Variants in SLC4A10 observed in about 807,000 individuals in gnomAD.
SLC4A10 encodes the protein solute carrier family 4 member 10.
A neutral mutation model predicts 137.7 loss-of-function variants in SLC4A10; 42 were observed. That is an observed-to-expected ratio of 0.30 (90% CI 0.24 to 0.39). The LOEUF (loss-of-function observed/expected upper bound fraction) is 0.39. Among genes scored for constraint, SLC4A10 ranks in the 10% least tolerant of loss-of-function variants. The pLI, the probability that SLC4A10 is intolerant of heterozygous loss-of-function variation, is 1.00. For missense variants in SLC4A10, 925 were observed against 1,355.0 expected, an observed-to-expected ratio of 0.68 and a Z score of 4.98; for synonymous variants, 474 against 464.1, an observed-to-expected ratio of 1.02 and a Z score of -0.27.
chr2:161,819,075 G>A (rs982453682), intron 3 of SLC4A10, among the ~76,000 whole-genome samples: 3 of 152,144 alleles, frequency 2.0e-5, no homozygotes, highest in Admixed American at 6.6e-5. Flanking sequence ...CAACGTATAA[G>A]CAACATCAGC....
chr2:161,742,376 T>C (rs933652873), intron 1 of SLC4A10, among the ~76,000 whole-genome samples: 2 of 152,054 alleles, frequency 1.3e-5, no homozygotes, highest in African/African-American at 4.8e-5. Flanking sequence ...ATTCTATTTT[T>C]AGTTTTCTGG....
chr2:161,859,852 G>A (rs539652966), intron 5 of SLC4A10, among the ~76,000 whole-genome samples: 13 of 151,898 alleles, frequency 8.6e-5, no homozygotes, highest in Non-Finnish European at 1.8e-4. Flanking sequence ...CGCCCGCCTC[G>A]GCCTCCCAAA....
In SLC4A10 at chr2:161,974,250, A is replaced by G. The variant is rs1419729826; in HGVS notation, c.3161A>G (p.Glu1054Gly). The change falls in exon 24 of 27, where the codon GAA becomes GGA. Residue 1054 changes from glutamate (E) to glycine (G), a missense_variant and splice_region_variant. Coordinates refer to ENST00000446997, the MANE Select transcript of SLC4A10 (RefSeq NM_001178015.2). Reference sequence around the variant, plus strand: ...TATACTTTACATTTGTCTTTTCAGGAAGAACAAAGTATGCTAGCTATGGAA... The same window carrying G: ...TATACTTTACATTTGTCTTTTCAGGGAGAACAAAGTATGCTAGCTATGGAA... ...KKKLEDAEKE[E>G]EQSMLAMEDE... 6.2e-7 allele frequency: 1 copy of G among 1,603,724 alleles called. No homozygotes were observed.
At chr2:161,772,756 G>A (rs1422103011) in intron 2 of SLC4A10, among the ~76,000 whole-genome samples, 1 of 151,790 alleles carries the variant, frequency 6.6e-6, no homozygotes, top group African/African-American at 2.4e-5. Context: ...AAAAAAATCT[G>A]GTTTATATTG....
At chr2:161,980,883 G>A (rs539231460) in intron 26 of SLC4A10, among the ~76,000 whole-genome samples, 2 of 152,288 alleles carry the variant, frequency 1.3e-5, no homozygotes, top group East Asian at 3.9e-4. Flanking sequence ...ACAGATAACA[G>A]ATGCATAATA....
At chr2:161,749,585 C>T (rs537453138) in intron 1 of SLC4A10, among the ~76,000 whole-genome samples, 1 of 152,020 alleles carries the variant, frequency 6.6e-6, no homozygotes, top group South Asian at 2.1e-4. Flanking sequence ...TTAAACCACC[C>T]TTGCATCCCC....
At chr2:161,982,310 C>T (rs1700327381) in intron 26 of SLC4A10, among the ~76,000 whole-genome samples, 1 of 151,904 alleles carries the variant, frequency 6.6e-6, no homozygotes, top group Non-Finnish European at 1.5e-5. Context: ...GCATTTCTGC[C>T]CTCTCTGGAA....
chr2:161,848,293 G>T (rs2059620762), intron 4 of SLC4A10, among the ~76,000 whole-genome samples: 1 of 152,102 alleles, frequency 6.6e-6, no homozygotes, highest in African/African-American at 2.4e-5. Context: ...ACCTTAGTCA[G>T]ATGCATAGTT....
chr2:161,664,578 A>T (rs2038827485), intron 1 of SLC4A10, among the ~76,000 whole-genome samples: 1 of 151,924 alleles, frequency 6.6e-6, no homozygotes, highest in Non-Finnish European at 1.5e-5. Context: ...TATTTAGTTC[A>T]TATTTGAAAA....
intron 5 of SLC4A10, 113 bp downstream of exon 5, chr2:161,855,243 C>T: frequency 1.0e-6 from 1 of 969,794 alleles, no homozygotes; most frequent in Non-Finnish European, 1.5e-6. Context: ...CTCATAATCA[C>T]TGCATAAGGT....
chr2:161,788,432 A>G (rs1389995899), intron 2 of SLC4A10, among the ~76,000 whole-genome samples: 1 of 152,020 alleles, frequency 6.6e-6, no homozygotes, highest in African/African-American at 2.4e-5. Flanking sequence ...CTAATGATGA[A>G]GGAAGACAAC....
chr2:161,804,435 G>C lies in SLC4A10; in HGVS notation c.131-14G>C. 1 of 1,605,960 alleles carries C rather than the reference G, an allele frequency of 6.2e-7. No individual in the cohort carries two copies. Among genetic ancestry groups the C allele is most frequent in the Non-Finnish European group, 8.5e-7 (1 of 1,175,992 alleles). On this transcript the variant is annotated splice_polypyrimidine_tract_variant and intron_variant, in intron 2 of 26. Transcript: ENST00000446997. Reference sequence around the variant, plus strand: ...AATTCAGAGTTTAATTTGTGGGTTTGCTTCCTTATGAAGGTCATCGAACAC... The same window carrying C: ...AATTCAGAGTTTAATTTGTGGGTTTCCTTCCTTATGAAGGTCATCGAACAC...
chr2:161,901,025 A>T lies in SLC4A10; in HGVS notation c.1442+14A>T. 6.5e-7 allele frequency: 1 copy of T among 1,535,850 alleles called. No homozygotes were observed. Among genetic ancestry groups the T allele is most frequent in the Non-Finnish European group, 8.8e-7 (1 of 1,131,188 alleles). Reference sequence around the variant, plus strand: ...GCGAACTGGAAGGTTAGTGAAAATCACTTCTATGGGACTTCAAGGACCAAA... The same window carrying T: ...GCGAACTGGAAGGTTAGTGAAAATCTCTTCTATGGGACTTCAAGGACCAAA... On this transcript the variant is annotated intron_variant, in intron 12 of 26. Coordinates refer to ENST00000446997, the MANE Select transcript of SLC4A10 (RefSeq NM_001178015.2).
At chr2:161,646,231 A>G (rs1184146041) in intron 1 of SLC4A10, among the ~76,000 whole-genome samples, 1 of 152,064 alleles carries the variant, frequency 6.6e-6, no homozygotes, top group East Asian at 1.9e-4. Flanking sequence ...GCATAAAAGC[A>G]AAGTAGTTTT....
chr2:161,664,918 G>C (rs919316852), intron 1 of SLC4A10, among the ~76,000 whole-genome samples: 4 of 151,742 alleles, frequency 2.6e-5, no homozygotes, highest in African/African-American at 9.7e-5. Flanking sequence ...CTAAGAAGCA[G>C]AGGCAACATC....
At chr2:161,851,116 G>A (rs2059806865) in intron 4 of SLC4A10, among the ~76,000 whole-genome samples, 1 of 152,260 alleles carries the variant, frequency 6.6e-6, no homozygotes, top group African/African-American at 2.4e-5. Context: ...GTTGAGAATT[G>A]CTTTATGGCT....
At chr2:161,934,521 G>A (rs915610794) in intron 15 of SLC4A10, among the ~76,000 whole-genome samples, 1 of 152,090 alleles carries the variant, frequency 6.6e-6, no homozygotes, top group Non-Finnish European at 1.5e-5. Flanking sequence ...TGGCTGAATA[G>A]TATTTCATCA....
chr2:161,762,592 A>T (rs1157073904), intron 1 of SLC4A10, among the ~76,000 whole-genome samples: 1 of 152,114 alleles, frequency 6.6e-6, no homozygotes, highest in Non-Finnish European at 1.5e-5. Context: ...TTAATTTTCA[A>T]TTTTCTTAAT....
intron 1 of SLC4A10, among the ~76,000 whole-genome samples, chr2:161,655,674 T>G (rs2105635808): frequency 6.6e-6 from 1 of 152,302 alleles, no homozygotes; most frequent in East Asian, 1.9e-4. Flanking sequence ...TATATTTAAA[T>G]TCATTTCATG....
Sources: gnomAD v4.1 joint callset for allele counts (sites outside exome capture counted in the v4.1 genomes callset) on GRCh38, gnomAD v4.1.1 for gene constraint, MANE v1.5 for transcripts, NCBI Gene and HGNC (gene_info 2026-07-23, HGNC 2026-07-21) for gene names.